Variants in GLIS3 observed in about 807,000 individuals in gnomAD.
GLIS3 encodes GLIS family zinc finger 3.
A neutral mutation model predicts 78.6 loss-of-function variants in GLIS3; 53 were observed. The observed-to-expected ratio is 0.67, with a 90% CI of 0.54 to 0.85. GLIS3 has a LOEUF of 0.85. GLIS3 is among the 40% of genes least tolerant of loss of function. The probability of loss-of-function intolerance (pLI) is 0.00; values close to 1 mark genes in which losing one functional copy is unlikely to be tolerated. For synonymous variants in GLIS3, 684 were observed against 509.9 expected (o/e 1.34, Z -4.60); for missense variants, 1,703 against 1,231.1 (o/e 1.38, Z -5.74).
At chr9:4,484,114 C>T in the GLIS3 span, among the ~76,000 whole-genome samples, 13 of 152,184 alleles carry the variant, frequency 8.5e-5, no homozygotes, top group Non-Finnish European at 1.9e-4. Flanking sequence ...ACTTGGCCCG[C>T]TGAAATTGCC....
chr9:3,891,726 C>G (rs577418534), intron 7 of GLIS3, among the ~76,000 whole-genome samples: 1 of 152,192 alleles, frequency 6.6e-6, no homozygotes, highest in Non-Finnish European at 1.5e-5. Flanking sequence ...AAAATATTGT[C>G]CATTCTTGCT....
chr9:3,931,120 G>GA (rs557031042), intron 6 of GLIS3, among the ~76,000 whole-genome samples: 104 of 151,926 alleles, frequency 6.8e-4, no homozygotes, highest in East Asian at 4.4e-3. Context: ...ACATTTCTAG[G>GA]AAAAAAATGA....
At chr9:4,343,205 G>A (rs930964461) in intron 2 of GLIS3, among the ~76,000 whole-genome samples, 25 of 152,166 alleles carry the variant, frequency 1.6e-4, no homozygotes, top group East Asian at 1.2e-3. Context: ...AGTCAGGCAC[G>A]GTGGCACACC....
intron 2 of GLIS3, among the ~76,000 whole-genome samples, chr9:4,332,914 CT>C: frequency 6.6e-6 from 1 of 152,246 alleles, no homozygotes; most frequent in South Asian, 2.1e-4. Context: ...TGTTTACAGT[CT>C]TTATTATTGT....
At chr9:4,397,806 A>C in the GLIS3 span, among the ~76,000 whole-genome samples, 23 of 151,716 alleles carry the variant, frequency 1.5e-4, no homozygotes, top group African/African-American at 5.3e-4. Context: ...GAGGAAGGAA[A>C]ATTACATACA....
At chr9:4,396,067 T>C in the GLIS3 span, among the ~76,000 whole-genome samples, 3 of 151,480 alleles carry the variant, frequency 2.0e-5, no homozygotes, top group Admixed American at 6.6e-5. Context: ...CCACTGCGCC[T>C]AGCCTGGTCA....
chr9:4,483,615 G>C, the GLIS3 span, among the ~76,000 whole-genome samples: 5 of 151,762 alleles, frequency 3.3e-5, no homozygotes, highest in East Asian at 9.7e-4. Flanking sequence ...AACTACTCAA[G>C]AGGCTGAGGC....
intron 4 of GLIS3, among the ~76,000 whole-genome samples, chr9:4,063,343 G>C (rs1220671766): frequency 6.6e-6 from 1 of 151,972 alleles, no homozygotes. Context: ...ACTGCAAAGG[G>C]GATGATATGC....
At chr9:4,212,162 A>T (rs919024266) in intron 2 of GLIS3, among the ~76,000 whole-genome samples, 1 of 152,232 alleles carries the variant, frequency 6.6e-6, no homozygotes, top group African/African-American at 2.4e-5. Flanking sequence ...TATGTAAATT[A>T]TACCTCGATT....
At chr9:3,950,297 G>C (rs1816591715) in intron 4 of GLIS3, among the ~76,000 whole-genome samples, 1 of 152,208 alleles carries the variant, frequency 6.6e-6, no homozygotes, top group South Asian at 2.1e-4. Context: ...TCACACTGCA[G>C]CTGGAGTCAC....
chr9:3,851,788 A>G lies in GLIS3; in HGVS notation c.2473+4221T>C, dbSNP rs1703375934. On this transcript the variant is annotated intron_variant, in intron 9 of 10. Transcript: ENST00000381971. Reference sequence around the variant, plus strand: ...AGAGCAATCTACATTTCCCCATGGAAAAATATAAATGTATATTTATTTTAG... The same window carrying G: ...AGAGCAATCTACATTTCCCCATGGAGAAATATAAATGTATATTTATTTTAG... Among the ~76,000 whole-genome samples the G allele has an allele frequency of 2.6e-5, 4 of 152,238 alleles. 1 individual carries two copies. The South Asian group carries it at 8.3e-4, about 32-fold the overall frequency.
chr9:4,279,324 T>TACAC (rs141790371), intron 2 of GLIS3, among the ~76,000 whole-genome samples: 2,132 of 84,282 alleles, frequency 0.025, 40 homozygotes, highest in Admixed American at 0.043. Flanking sequence ...AATATATATA[T>TACAC]ACACACACAC....
At chr9:4,388,786 G>A in the GLIS3 span, among the ~76,000 whole-genome samples, 1 of 152,172 alleles carries the variant, frequency 6.6e-6, no homozygotes, top group Non-Finnish European at 1.5e-5. Flanking sequence ...CCAGAAGAAA[G>A]AGAGTAAGAA....
the GLIS3 span, among the ~76,000 whole-genome samples, chr9:4,377,732 TTAA>T: frequency 6.6e-6 from 1 of 152,196 alleles, no homozygotes; most frequent in African/African-American, 2.4e-5. Flanking sequence ...TAAGATGCTA[TTAA>T]TATTATTTTT....
At chr9:4,098,080 T>C (rs1182679124) in intron 4 of GLIS3, among the ~76,000 whole-genome samples, 1 of 152,216 alleles carries the variant, frequency 6.6e-6, no homozygotes, top group African/African-American at 2.4e-5. Context: ...AGCAGGACAC[T>C]GGATGATTAA....
At chr9:4,185,067 A>G (rs910642918) in intron 2 of GLIS3, among the ~76,000 whole-genome samples, 26 of 152,190 alleles carry the variant, frequency 1.7e-4, no homozygotes, top group Non-Finnish European at 3.1e-4. Context: ...CATTGCCATC[A>G]TCCCAATAGG....
upstream of GLIS3, among the ~76,000 whole-genome samples, chr9:4,349,829 G>T (rs1817941059): frequency 6.6e-6 from 1 of 152,234 alleles, no homozygotes; most frequent in Admixed American, 6.5e-5. Context: ...ATGAAGTCAT[G>T]AAGCCTTCAG....
intron 7 of GLIS3, among the ~76,000 whole-genome samples, chr9:3,894,155 T>C (rs1299141659): frequency 2.0e-5 from 3 of 152,258 alleles, no homozygotes; most frequent in African/African-American, 7.2e-5. Context: ...CTGCTGCTTT[T>C]TCACCTTTGT....
At chr9:3,994,069 G>C (rs538234172) in intron 4 of GLIS3, among the ~76,000 whole-genome samples, 1 of 152,250 alleles carries the variant, frequency 6.6e-6, no homozygotes, top group South Asian at 2.1e-4. Flanking sequence ...GTCTGGGTTG[G>C]ACCAAAGAAT....
Sources: allele counts gnomAD v4.1 joint callset (sites outside exome capture counted in the v4.1 genomes callset), GRCh38; gene constraint gnomAD v4.1.1; transcripts MANE v1.5; gene names NCBI Gene and HGNC (gene_info 2026-07-23, HGNC 2026-07-21).